Variants in ACLY observed in about 807,000 individuals in gnomAD.
ACLY encodes ATP citrate lyase, also known as ATP-citrate synthase.
Under a neutral mutation model 133.0 loss-of-function variants are expected in ACLY, and 41 were observed. That is an observed-to-expected ratio of 0.31 (90% CI 0.24 to 0.40). The LOEUF is 0.40. Ranked by LOEUF, ACLY falls within the 10% of genes least tolerant of loss-of-function variation. The pLI is 1.00. For synonymous variants in ACLY, 495 were observed against 549.3 expected, an observed-to-expected ratio of 0.90 and a Z score of 1.38; for missense variants, 1,046 against 1,453.8, an observed-to-expected ratio of 0.72 and a Z score of 4.56.
At position 41,872,203 on chromosome 17, in the gene ACLY, G is replaced by C. The variant is rs371085210; in HGVS notation, c.2643-21C>G. The C allele has an allele frequency of 2.1e-5, 34 of 1,607,316 alleles. No homozygotes were observed. The African/African-American group carries it at 3.6e-4, about 17-fold the overall frequency. Reference sequence around the variant, plus strand: ...GCAACCTGGAGTGGGGGGAACAAAGGCCAGGAGATGGTCGACAAGGCCATG... The same window carrying C: ...GCAACCTGGAGTGGGGGGAACAAAGCCCAGGAGATGGTCGACAAGGCCATG... On this transcript the variant is annotated intron_variant, in intron 23 of 28. Coordinates refer to ENST00000352035, the MANE Select transcript of ACLY (RefSeq NM_001096.3).
At chr17:41,910,361 G>T in intron 3 of ACLY, 77 bp from the exon 4 acceptor site, 1 of 1,345,688 alleles carries the variant, frequency 7.4e-7, no homozygotes, top group Non-Finnish European at 1.0e-6. Flanking sequence ...GGACTGCACA[G>T]GGGTGGTGCC....
chr17:41,906,465 CTA>C lies in ACLY; in HGVS notation c.866+61_866+62del, dbSNP rs1491225398. The C allele has an allele frequency of 3.5e-5, 50 of 1,435,622 alleles. No individual in the cohort carries two copies. The African/African-American group carries it at 4.5e-4, about 13-fold the overall frequency. The allele number at this position is 1,435,622 out of a possible 1,614,324, so 88.9% of individuals were successfully genotyped here. On this transcript the variant is annotated intron_variant, in intron 8 of 28. Coordinates refer to ENST00000352035, the MANE Select transcript of ACLY (RefSeq NM_001096.3). Reference sequence around the variant, plus strand: ...AGTGACAGGACCCCACCCACCCAGGCTACACACATGTTGATGCTGGGTAGACT... The same window carrying C: ...AGTGACAGGACCCCACCCACCCAGGCCACACATGTTGATGCTGGGTAGACT...
intron 22 of ACLY, among the ~76,000 whole-genome samples, chr17:41,876,808 C>T (rs2048771049): frequency 6.6e-6 from 1 of 152,086 alleles, no homozygotes; most frequent in Non-Finnish European, 1.5e-5. Flanking sequence ...CTAGGAAAAC[C>T]AGAGACCTTT....
chr17:41,903,279 G>A (rs1353652505), intron 10 of ACLY, among the ~76,000 whole-genome samples: 1 of 152,104 alleles, frequency 6.6e-6, no homozygotes, highest in Non-Finnish European at 1.5e-5. Context: ...CTTGAGACAC[G>A]TTAGCTCTGT....
At chr17:41,925,334 T>C (rs1277324242) in intron 1 of ACLY, among the ~76,000 whole-genome samples, 1 of 151,154 alleles carries the variant, frequency 6.6e-6, no homozygotes, top group Non-Finnish European at 1.5e-5. Context: ...TGATGGTTCA[T>C]GCCTGTAATT....
intron 22 of ACLY, 119 bp downstream of exon 22, chr17:41,877,984 C>T: frequency 2.0e-6 from 1 of 498,578 alleles, no homozygotes; most frequent in Non-Finnish European, 3.4e-6. Context: ...TCTAAGAGAT[C>T]CCCGACTAAT....
At chr17:41,887,549 CT>C (rs1441003515) in intron 17 of ACLY, 49 bp downstream of exon 17, 1 of 1,519,806 alleles carries the variant, frequency 6.6e-7, no homozygotes, top group Non-Finnish European at 9.1e-7. Context: ...GGGCATTGAA[CT>C]TCATAAGATA....
In ACLY at chr17:41,884,269, G is replaced by T; in HGVS notation, c.2078C>A (p.Pro693Gln). 1 of 1,608,002 alleles carries T rather than the reference G, an allele frequency of 6.2e-7. No individual in the cohort carries two copies. Among genetic ancestry groups the T allele is most frequent in the South Asian group, 1.1e-5 (1 of 90,946 alleles). ...CACATGATCCATGAATGTGGAGCCC[G>T]GGTACCTGTTGAGAGCAGGGAGTAT... is the stretch of plus-strand genomic sequence containing the variant. ...EGVAIGGDRY[P>Q]GSTFMDHVLR... The change falls in exon 19 of 29, where the codon CCG (proline) becomes CAG (glutamine). Residue 693 changes from proline to glutamine, a missense_variant. By Grantham distance (76) the Pro-to-Gln change is moderately conservative. Around this residue, in one of 4 missense-constraint regions of ACLY, gnomAD observed 575 missense variants for 804.2 expected, o/e 0.71. Transcript: ENST00000352035.
At chr17:41,914,769 A>G (rs2050006882) in intron 1 of ACLY, among the ~76,000 whole-genome samples, 1 of 152,078 alleles carries the variant, frequency 6.6e-6, no homozygotes, top group African/African-American at 2.4e-5. Flanking sequence ...AGAGGCAGAA[A>G]CCATCCTCCA....
At position 41,872,173 on chromosome 17, in the gene ACLY, C is replaced by G. The variant is rs781856033; in HGVS notation, c.2652G>C (p.Lys884Asn). The G allele has an allele frequency of 1.2e-6, 2 of 1,613,382 alleles. No individual in the cohort carries two copies. Among genetic ancestry groups the G allele is most frequent in the Non-Finnish European group, 1.7e-6 (2 of 1,179,960 alleles). ...GLLWFQKRLP[K>N]YSCQFIEMCL... ...ACATCTCAATGAACTGGCAAGAGTA[C>G]TTAGGCAACCTGGAGTGGGGGGAAC... The change falls in exon 24 of 29, where the codon AAG becomes AAC. Residue 884 changes from lysine to asparagine, a missense_variant. Transcript: ENST00000352035.
In ACLY at chr17:41,906,637, T is replaced by C. The variant is rs1555632733; in HGVS notation, c.757A>G (p.Ile253Val). The C allele has an allele frequency of 1.9e-6, 3 of 1,614,188 alleles. No individual in the cohort carries two copies. The highest frequency in any genetic ancestry group is 1.1e-5 in the South Asian group (1 of 91,088). ...GREAYPEEAY[I>V]ADLDAKSGAS... Reference sequence around the variant, plus strand: ...CCACTTTTGGCATCGAGGTCTGCAATGTAGGCTTCCTGGGGACCAGACAGC... The same window carrying C: ...CCACTTTTGGCATCGAGGTCTGCAACGTAGGCTTCCTGGGGACCAGACAGC... Residue 253 changes from isoleucine (I) to valine (V), a missense_variant, in exon 8 of 29, where the codon ATT (isoleucine) becomes GTT (valine). Physicochemically the swap from Ile to Val is conservative, Grantham distance 29 (BLOSUM62 3). Coordinates refer to ENST00000352035, the MANE Select transcript of ACLY (RefSeq NM_001096.3).
At chr17:41,905,792 C>T (rs1002997352) in intron 8 of ACLY, 134 bp from the exon 9 acceptor site, 8 of 1,072,814 alleles carry the variant, frequency 7.5e-6, no homozygotes, top group Admixed American at 2.0e-5. Context: ...GATCTCCAGC[C>T]CCCAATTCCC....
intron 1 of ACLY, among the ~76,000 whole-genome samples, chr17:41,918,153 G>A (rs887955505): frequency 5.9e-5 from 9 of 152,338 alleles, no homozygotes; most frequent in Admixed American, 2.6e-4. Flanking sequence ...CCAGCCCCTT[G>A]AGGACCTTTC....
At chr17:41,876,728 A>G (rs1267958320) in intron 22 of ACLY, among the ~76,000 whole-genome samples, 2 of 152,114 alleles carry the variant, frequency 1.3e-5, no homozygotes, top group East Asian at 1.9e-4. Context: ...GCTGGTTAAG[A>G]GTCATCACCA....
At chr17:41,872,273 G>A (rs1285867896) in intron 23 of ACLY, 91 bp from the exon 24 acceptor site, 1 of 1,315,484 alleles carries the variant, frequency 7.6e-7, no homozygotes, top group African/African-American at 1.5e-5. Context: ...TCAAATCCAA[G>A]AAGGGTAACT....
At chr17:41,875,592 C>A (rs1438037648) in intron 22 of ACLY, among the ~76,000 whole-genome samples, 3 of 152,314 alleles carry the variant, frequency 2.0e-5, no homozygotes, top group Middle Eastern at 3.4e-3. Flanking sequence ...CAGGCGCGCG[C>A]CGCCACGCCT....
At chr17:41,914,406 G>T (rs2049993279) in intron 1 of ACLY, among the ~76,000 whole-genome samples, 1 of 152,138 alleles carries the variant, frequency 6.6e-6, no homozygotes, top group South Asian at 2.1e-4. Context: ...CCCACACCCA[G>T]ATTTACCCCT....
Position 41,909,526 on chromosome 17 carries a change from G to A in ACLY, c.520C>T (p.Pro174Ser). 6.2e-7 allele frequency: 1 copy of A among 1,614,046 alleles called. No individual in the cohort carries two copies. The highest frequency in any genetic ancestry group is 8.5e-7 in the Non-Finnish European group (1 of 1,179,974). Residue 174 changes from proline to serine, a missense_variant, in exon 5 of 29, where the codon CCT (proline) becomes TCT (serine). Around this residue, in one of 4 missense-constraint regions of ACLY, gnomAD observed 227 missense variants for 245.6 expected, o/e 0.92. Transcript: ENST00000352035. ...TCACTCAACTCTTTCTTGTCTTCAG[G>A]GGCGTGGACCAACAGGTGTTTTTTG... The part of the protein sequence containing the change: ...DIKKHLLVHA[P>S]EDKKEILASF...
intron 16 of ACLY, 70 bp downstream of exon 16, chr17:41,892,209 A>G: frequency 3.2e-6 from 3 of 932,876 alleles, no homozygotes; most frequent in Non-Finnish European, 4.7e-6. Context: ...TCTGTCCCCT[A>G]GAGCCCAGTG....
Sources: gnomAD v4.1 joint callset for allele counts (sites outside exome capture counted in the v4.1 genomes callset) on GRCh38, gnomAD v4.1.1 for gene constraint, gnomAD v4.1.1 regional missense constraint, MANE v1.5 for transcripts, NCBI Gene and HGNC (gene_info 2026-07-23, HGNC 2026-07-21) for gene names.